Variants in ASIC2 observed in about 807,000 individuals in gnomAD.
The protein encoded by ASIC2 is acid sensing ion channel subunit 2.
Under a neutral mutation model 57.3 loss-of-function variants are expected in ASIC2, and 25 were observed. The observed-to-expected ratio is 0.44, with a 90% CI of 0.32 to 0.61. The LOEUF (loss-of-function observed/expected upper bound fraction) is 0.61, where lower values mean the gene tolerates loss of function less well. Among genes scored for constraint, ASIC2 ranks in the 20% least tolerant of loss-of-function variants. The probability of loss-of-function intolerance (pLI) is 0.06; values close to 1 mark genes in which losing one functional copy is unlikely to be tolerated. For missense variants in ASIC2, 641 were observed against 738.1 expected (o/e 0.87, Z 1.52); for synonymous variants, 319 against 307.5 (o/e 1.04, Z -0.39).
At chr17:33,487,280 A>C (rs2141931360) in intron 1 of ASIC2, among the ~76,000 whole-genome samples, 1 of 152,200 alleles carries the variant, frequency 6.6e-6, no homozygotes, top group South Asian at 2.1e-4. Flanking sequence ...CTCCATCATC[A>C]CCACCTGTTA....
At chr17:33,816,261 TC>T (rs941196909) in intron 1 of ASIC2, among the ~76,000 whole-genome samples, 24 of 152,208 alleles carry the variant, frequency 1.6e-4, no homozygotes, top group African/African-American at 5.8e-4. Context: ...GGCACCTGCT[TC>T]TCATTCTTAA....
chr17:33,789,975 G>A (rs1409326470), intron 1 of ASIC2, among the ~76,000 whole-genome samples: 1 of 152,206 alleles, frequency 6.6e-6, no homozygotes, highest in Non-Finnish European at 1.5e-5. Flanking sequence ...GAGAAACAAA[G>A]TGGGAAATGT....
At chr17:33,766,136 A>G (rs1402878071) in intron 1 of ASIC2, among the ~76,000 whole-genome samples, 1 of 152,166 alleles carries the variant, frequency 6.6e-6, no homozygotes, top group Non-Finnish European at 1.5e-5. Flanking sequence ...GTATGGTACA[A>G]TGAGATATTT....
chr17:34,048,944 G>A (rs895727130), intron 1 of ASIC2, among the ~76,000 whole-genome samples: 10 of 152,084 alleles, frequency 6.6e-5, no homozygotes, highest in Admixed American at 1.3e-4. Flanking sequence ...GGTAATAATC[G>A]TCCCTCCTGA....
At chr17:34,127,659 G>A (rs1911828298) in intron 1 of ASIC2, among the ~76,000 whole-genome samples, 1 of 152,196 alleles carries the variant, frequency 6.6e-6, no homozygotes, top group East Asian at 1.9e-4. Context: ...GGCAGCTGGG[G>A]GCTTCAGCTC....
At chr17:34,089,231 G>A (rs1910234110) in intron 1 of ASIC2, among the ~76,000 whole-genome samples, 1 of 152,204 alleles carries the variant, frequency 6.6e-6, no homozygotes, top group South Asian at 2.1e-4. Flanking sequence ...TCAATGCTCA[G>A]GCAGAGGCTG....
chr17:33,151,322 C>G (rs1397630043), intron 1 of ASIC2, among the ~76,000 whole-genome samples: 2 of 146,252 alleles, frequency 1.4e-5, no homozygotes, highest in Admixed American at 6.8e-5. Flanking sequence ...TACAGTGAGC[C>G]GAGATAGCGC....
intron 1 of ASIC2, among the ~76,000 whole-genome samples, chr17:34,032,030 C>T (rs1003881577): frequency 2.2e-4 from 33 of 152,068 alleles, no homozygotes; most frequent in African/African-American, 7.2e-4. Context: ...AGATACTCCT[C>T]GAGAAGAGCA....
chr17:33,169,714 T>C (rs1248450684), intron 1 of ASIC2, among the ~76,000 whole-genome samples: 1 of 152,098 alleles, frequency 6.6e-6, no homozygotes, highest in Non-Finnish European at 1.5e-5. Context: ...AGCTCCAGAG[T>C]CAATGAAACC....
At chr17:33,656,643 C>A (rs1448847177) in intron 1 of ASIC2, among the ~76,000 whole-genome samples, 1 of 152,132 alleles carries the variant, frequency 6.6e-6, no homozygotes, top group African/African-American at 2.4e-5. Context: ...TTTTAGAGGT[C>A]TTTTCCTCCA....
chr17:33,392,607 TC>T (rs1270344533), intron 1 of ASIC2, among the ~76,000 whole-genome samples: 1 of 151,972 alleles, frequency 6.6e-6, no homozygotes, highest in East Asian at 1.9e-4. Flanking sequence ...CCTGACCTCC[TC>T]CCCTCTCTCC....
At chr17:33,156,416 G>A (rs1414254998) in intron 1 of ASIC2, among the ~76,000 whole-genome samples, 2 of 152,008 alleles carry the variant, frequency 1.3e-5, no homozygotes, top group Non-Finnish European at 2.9e-5. Context: ...GAGTCACCAT[G>A]CCTGGCTTAG....
chr17:33,402,527 A>G (rs1312599666), intron 1 of ASIC2, among the ~76,000 whole-genome samples: 1 of 152,128 alleles, frequency 6.6e-6, no homozygotes, highest in East Asian at 1.9e-4. Flanking sequence ...TTAAAGTGAG[A>G]ATATGTGGTG....
intron 1 of ASIC2, among the ~76,000 whole-genome samples, chr17:33,209,049 GT>G (rs1907173481): frequency 6.6e-6 from 1 of 152,134 alleles, no homozygotes; most frequent in African/African-American, 2.4e-5. Context: ...GTCTTTATGA[GT>G]TGGTGGCAGG....
chr17:33,273,082 A>G (rs1049356102), intron 1 of ASIC2, among the ~76,000 whole-genome samples: 2 of 152,222 alleles, frequency 1.3e-5, no homozygotes, highest in African/African-American at 4.8e-5. Context: ...CTGGCAATGT[A>G]GGAGAAGAGA....
At chr17:33,224,706 A>T (rs1021475516) in intron 1 of ASIC2, among the ~76,000 whole-genome samples, 1 of 152,206 alleles carries the variant, frequency 6.6e-6, no homozygotes, top group Admixed American at 6.5e-5. Context: ...TTTAATCCTC[A>T]TGACTTATGA....
At chr17:33,970,279 G>A (rs935686322) in intron 1 of ASIC2, among the ~76,000 whole-genome samples, 9 of 152,164 alleles carry the variant, frequency 5.9e-5, no homozygotes, top group Admixed American at 2.6e-4. Flanking sequence ...GAACCAGTGG[G>A]GTAGTTGGAT....
At chr17:33,522,133 C>T (rs186963571) in intron 1 of ASIC2, among the ~76,000 whole-genome samples, 1 of 152,152 alleles carries the variant, frequency 6.6e-6, no homozygotes, top group African/African-American at 2.4e-5. Context: ...GTCAGTCCCC[C>T]CACTCCTTCC....
At chr17:33,992,584 A>G (rs536580487) in intron 1 of ASIC2, among the ~76,000 whole-genome samples, 2 of 152,254 alleles carry the variant, frequency 1.3e-5, no homozygotes, top group East Asian at 3.9e-4. Context: ...GTTGGAGCTA[A>G]CTCACATTGG....
Sources: gnomAD v4.1 joint callset for allele counts (sites outside exome capture counted in the v4.1 genomes callset) on GRCh38, gnomAD v4.1.1 for gene constraint, MANE v1.5 for transcripts, NCBI Gene and HGNC (gene_info 2026-07-23, HGNC 2026-07-21) for gene names.